The following ZBTB20 variants were observed in gnomAD, a reference collection of about 807,000 sequenced individuals.
The protein encoded by ZBTB20 is zinc finger and BTB domain containing 20, also known as zinc finger and BTB domain-containing protein 20.
In ZBTB20, 9 loss-of-function variants were observed where a neutral mutation model predicts 56.9. The ratio of observed to expected loss-of-function variants is 0.16; its 90% CI spans 0.10 to 0.28. The LOEUF is 0.28. Ranked by LOEUF, ZBTB20 falls within the 10% of genes least tolerant of loss-of-function variation. ZBTB20 has a pLI of 1.00. For missense variants in ZBTB20, 655 were observed against 1,003.0 expected, an observed-to-expected ratio of 0.65 and a Z score of 4.69; for synonymous variants, 417 against 420.7, an observed-to-expected ratio of 0.99 and a Z score of 0.11.
At position 114,322,748 on chromosome 3, in the gene ZBTB20, T is replaced by C. The variant is rs960489849; in HGVS notation, c.*16257A>G. 1 of 152,232 alleles carries C rather than the reference T, an allele frequency of 6.6e-6. No individual in the cohort carries two copies. Among genetic ancestry groups the C allele is most frequent in the Admixed American group, 6.5e-5 (1 of 15,284 alleles). The allele number at this position is 152,232 out of a possible 1,614,324, so 9.4% of individuals were successfully genotyped here. A position where few individuals can be genotyped will look rare whatever the true frequency, so the allele number is the denominator to read the frequency against. ...CTTTGAGTGCTTAAGGAATTTCTTA[T>C]GCTAGTTTGGATGGCTCTAAATGGA... On this transcript the variant is annotated 3_prime_UTR_variant, in exon 12 of 12. Coordinates refer to ENST00000675478, the MANE Select transcript of ZBTB20 (RefSeq NM_001348800.3).
At chr3:114,505,744 T>C (rs74448519) in intron 6 of ZBTB20, among the ~76,000 whole-genome samples, 185 of 152,268 alleles carry the variant, frequency 1.2e-3, no homozygotes, top group Middle Eastern at 3.4e-3. Context: ...ATTTTCCTAA[T>C]ACCTTTCTGG....
At chr3:114,818,787 C>T (rs1282064736) in intron 4 of ZBTB20, among the ~76,000 whole-genome samples, 1 of 151,600 alleles carries the variant, frequency 6.6e-6, no homozygotes, top group East Asian at 1.9e-4. Context: ...GAAATATGCC[C>T]TCTACCACAA....
intron 11 of ZBTB20, among the ~76,000 whole-genome samples, chr3:114,349,960 A>G (rs910249456): frequency 1.3e-5 from 2 of 152,176 alleles, no homozygotes; most frequent in African/African-American, 4.8e-5. Flanking sequence ...TCCTGACTAC[A>G]GTATGCTGCC....
intron 7 of ZBTB20, among the ~76,000 whole-genome samples, chr3:114,397,235 C>T (rs1006470711): frequency 5.9e-5 from 9 of 152,152 alleles, no homozygotes; most frequent in African/African-American, 2.2e-4. Flanking sequence ...ACCTATGCTC[C>T]TGCCCACTGT....
chr3:115,025,410 C>T (rs1270673600), intron 2 of ZBTB20, among the ~76,000 whole-genome samples: 1 of 151,210 alleles, frequency 6.6e-6, no homozygotes, highest in Non-Finnish European at 1.5e-5. Flanking sequence ...AATGAACATA[C>T]ACATGCATGT....
intron 4 of ZBTB20, among the ~76,000 whole-genome samples, chr3:114,824,882 A>G (rs1364463963): frequency 1.3e-5 from 2 of 152,006 alleles, no homozygotes; most frequent in Non-Finnish European, 2.9e-5. Flanking sequence ...ATTTTGCAGA[A>G]AAGTTTTCTA....
intron 2 of ZBTB20, among the ~76,000 whole-genome samples, chr3:115,045,461 T>C (rs1447961334): frequency 6.6e-6 from 1 of 151,938 alleles, no homozygotes; most frequent in Non-Finnish European, 1.5e-5. Flanking sequence ...AAGTCATATA[T>C]ATTTAAAAAT....
At chr3:114,615,099 C>T (rs2057839356) in intron 6 of ZBTB20, among the ~76,000 whole-genome samples, 1 of 152,100 alleles carries the variant, frequency 6.6e-6, no homozygotes, top group East Asian at 1.9e-4. Flanking sequence ...GTTGATTGTT[C>T]ATGTGGGAGC....
At chr3:114,904,817 G>T (rs2075261489) in intron 3 of ZBTB20, among the ~76,000 whole-genome samples, 1 of 151,870 alleles carries the variant, frequency 6.6e-6, no homozygotes, top group African/African-American at 2.4e-5. Context: ...CTGTGAACTG[G>T]AAACAGATAA....
intron 4 of ZBTB20, among the ~76,000 whole-genome samples, chr3:114,872,512 G>A (rs2107545387): frequency 6.6e-6 from 1 of 152,138 alleles, no homozygotes; most frequent in South Asian, 2.1e-4. Context: ...AAGATGTAAT[G>A]GGAGAGAAAA....
intron 7 of ZBTB20, among the ~76,000 whole-genome samples, chr3:114,429,376 T>C (rs958764837): frequency 6.6e-6 from 1 of 152,232 alleles, no homozygotes; most frequent in African/African-American, 2.4e-5. Context: ...AGTTAGACAC[T>C]GGAAATAATC....
intron 3 of ZBTB20, among the ~76,000 whole-genome samples, chr3:114,916,306 C>T (rs1032817019): frequency 1.6e-4 from 24 of 152,012 alleles, no homozygotes. Flanking sequence ...TACATAGTGA[C>T]CTTCTTTATC....
intron 3 of ZBTB20, among the ~76,000 whole-genome samples, chr3:114,960,573 A>G (rs1488679833): frequency 6.6e-6 from 1 of 152,230 alleles, no homozygotes; most frequent in Non-Finnish European, 1.5e-5. Flanking sequence ...CCCTATGGGG[A>G]TGTGTTGAGT....
rs760635856 is a variant in ZBTB20 at position 114,315,174 on chromosome 3, T to C, written c.*23831A>G. On this transcript the variant is annotated 3_prime_UTR_variant, in exon 12 of 12. Transcript: ENST00000675478. ...GGATGGATGTGTGTTTTTGTGGATATATGGATTTATACCGTGCACAGAGTG... is the reference window on the plus strand; with the variant it reads ...GGATGGATGTGTGTTTTTGTGGATACATGGATTTATACCGTGCACAGAGTG... The C allele has an allele frequency of 6.6e-6, 1 of 152,204 alleles. No homozygotes were observed. The highest frequency in any genetic ancestry group is 1.5e-5 in the Non-Finnish European group (1 of 68,034). The allele number at this position is 152,204 out of a possible 1,614,324, so 9.4% of individuals were successfully genotyped here.
At chr3:114,930,856 G>A (rs2076332176) in intron 3 of ZBTB20, 1 of 278,366 alleles carries the variant, frequency 3.6e-6, no homozygotes, top group African/African-American at 2.3e-5. Flanking sequence ...AGCAGAAAAG[G>A]GTGGGGAGGC....
chr3:114,388,360 C>T (rs1282154043), intron 8 of ZBTB20: 1 of 152,162 alleles, frequency 6.6e-6, no homozygotes, highest in South Asian at 2.1e-4. Flanking sequence ...TATCATATCC[C>T]CTACCCCAAA....
At chr3:115,134,280 A>T (rs528844002) in intron 1 of ZBTB20, among the ~76,000 whole-genome samples, 1 of 152,270 alleles carries the variant, frequency 6.6e-6, no homozygotes, top group African/African-American at 2.4e-5. Flanking sequence ...TTCTATGTAG[A>T]TTTTTTTAAC....
chr3:114,655,242 C>CTTTTTTTTTTTT lies in ZBTB20; in HGVS notation c.-295+38274_-295+38285dup. 1.4e-3 allele frequency among the ~76,000 whole-genome samples: 124 copies of CTTTTTTTTTTTT among 91,650 alleles called. 5 individuals carry two copies. Among genetic ancestry groups the CTTTTTTTTTTTT allele is most frequent in the South Asian group, 1.8e-3 (5 of 2,778 alleles). The allele number at this position is 91,650 out of a possible 152,430, so 60.1% of individuals were successfully genotyped here. A position where few individuals can be genotyped will look rare whatever the true frequency, so the allele number is the denominator to read the frequency against. ...ATTGTTATTCTTCTGTTTTCCTTTC[C>CTTTTTTTTTTTT]TTTTTTTTTTTTTTTTTTTTTGAGA... On this transcript the variant is annotated intron_variant, in intron 6 of 11. Transcript: ENST00000675478.
chr3:114,726,394 T>G (rs941851959), intron 5 of ZBTB20, among the ~76,000 whole-genome samples: 1 of 152,216 alleles, frequency 6.6e-6, no homozygotes, highest in Non-Finnish European at 1.5e-5. Context: ...TTTTTAATTG[T>G]CAAAATATTT....
Sources: gnomAD v4.1 joint callset for allele counts (sites outside exome capture counted in the v4.1 genomes callset) on GRCh38, gnomAD v4.1.1 for gene constraint, MANE v1.5 for transcripts, NCBI Gene and HGNC (gene_info 2026-07-23, HGNC 2026-07-21) for gene names.